SETX: variants seen among roughly 807,000 people sequenced by gnomAD.
The protein encoded by SETX is senataxin, also known as helicase senataxin.
Under a neutral mutation model 227.2 loss-of-function variants are expected in SETX, and 90 were observed. The observed-to-expected ratio is 0.40, with a 90% CI of 0.33 to 0.47. SETX has a LOEUF of 0.47. Among genes scored for constraint, SETX ranks in the 20% least tolerant of loss-of-function variants. The pLI is 0.91. For missense variants in SETX, 3,052 were observed against 3,181.5 expected, an observed-to-expected ratio of 0.96 and a Z score of 0.98; for synonymous variants, 1,210 against 1,113.2, an observed-to-expected ratio of 1.09 and a Z score of -1.73.
Position 132,331,121 on chromosome 9 carries a change from C to T in SETX, c.1029G>A (p.Glu343=), listed in dbSNP as rs769135853. 6.2e-7 allele frequency: 1 copy of T among 1,613,568 alleles called. No homozygotes were observed. The highest frequency in any genetic ancestry group is 1.7e-5 in the Admixed American group (1 of 60,020). ...AAGTCACCATATCATCCAAATAGGACTCCGGTTCTAACTTGGTCCTTAAAT... is the reference window on the plus strand; with the variant it reads ...AAGTCACCATATCATCCAAATAGGATTCCGGTTCTAACTTGGTCCTTAAAT... ...NSSVRTKLEP[E]SYLDDMVTCS... Residue 343 remains glutamate (E), a synonymous_variant, in exon 9 of 26, where the codon GAG becomes GAA. Transcript: ENST00000224140.
chr9:132,281,408 A>T, intron 20 of SETX, 59 bp downstream of exon 20: 1 of 1,323,994 alleles, frequency 7.6e-7, no homozygotes, highest in Non-Finnish European at 1.1e-6. Flanking sequence ...TCCCTCCTGA[A>T]AACAAAAATT....
At chr9:132,348,683 T>C (rs765438911) in intron 3 of SETX, among the ~76,000 whole-genome samples, 5 of 151,960 alleles carry the variant, frequency 3.3e-5, no homozygotes, top group Non-Finnish European at 7.4e-5. Flanking sequence ...ATTCCAACAC[T>C]GGGGGGCCAA....
At chr9:132,321,654 C>CAAAAA (rs57108934) in intron 10 of SETX, among the ~76,000 whole-genome samples, 1 of 51,426 alleles carries the variant, frequency 1.9e-5, no homozygotes, top group Non-Finnish European at 3.2e-5. Context: ...GATACTGTCT[C>CAAAAA]AAAAAAAAAA....
intron 4 of SETX, among the ~76,000 whole-genome samples, chr9:132,345,355 C>A (rs1369708576): frequency 6.6e-6 from 1 of 152,186 alleles, no homozygotes; most frequent in African/African-American, 2.4e-5. Context: ...TTCACTGCAA[C>A]CTCCGCCTTC....
chr9:132,319,442 T>A (rs474120), intron 10 of SETX, among the ~76,000 whole-genome samples: 103,795 of 152,112 alleles, frequency 0.68, 38,802 homozygotes, highest in Non-Finnish European at 0.84. Context: ...GAATGAAATA[T>A]CAACCTGCAG....
chr9:132,338,090 C>CTTTTTTT (rs71376637), intron 5 of SETX, among the ~76,000 whole-genome samples: 2 of 126,516 alleles, frequency 1.6e-5, no homozygotes, highest in African/African-American at 6.0e-5. Context: ...GAGGAACACT[C>CTTTTTTT]TTTTTTTTTT....
intron 10 of SETX, among the ~76,000 whole-genome samples, chr9:132,316,129 A>G (rs1047473379): frequency 8.5e-5 from 13 of 152,316 alleles, no homozygotes; most frequent in Admixed American, 3.9e-4. Flanking sequence ...ACAGGCGTGT[A>G]TATGTTCTTC....
intron 5 of SETX, among the ~76,000 whole-genome samples, chr9:132,340,377 C>A (rs1005659719): frequency 6.6e-6 from 1 of 152,218 alleles, no homozygotes; most frequent in Non-Finnish European, 1.5e-5. Flanking sequence ...TCTGCTTCTA[C>A]TGAAATCTTC....
chr9:132,295,718 T>C (rs977612822), intron 15 of SETX, among the ~76,000 whole-genome samples, 154 bp downstream of exon 15: 3 of 152,194 alleles, frequency 2.0e-5, no homozygotes, highest in African/African-American at 7.2e-5. Context: ...ACAGGGTAAA[T>C]GTTCAATGAA....
chr9:132,296,568 A>C (rs988272850), intron 14 of SETX, among the ~76,000 whole-genome samples: 1 of 152,036 alleles, frequency 6.6e-6, no homozygotes. Context: ...CTCAAAAAAA[A>C]AAAACAAAAA....
At chr9:132,269,471 A>G in intron 25 of SETX, 144 bp downstream of exon 25, 1 of 1,593,100 alleles carries the variant, frequency 6.3e-7, no homozygotes, top group Non-Finnish European at 8.6e-7. Context: ...TGTACACAAA[A>G]GCTCCTAGGA....
intron 25 of SETX, among the ~76,000 whole-genome samples, chr9:132,265,440 T>C (rs2131118408): frequency 6.6e-6 from 1 of 152,150 alleles, no homozygotes; most frequent in East Asian, 1.9e-4. Context: ...TTAGCCAAGA[T>C]GGTCTCGATC....
intron 10 of SETX, among the ~76,000 whole-genome samples, chr9:132,324,294 A>T (rs183816230): frequency 1.2e-4 from 18 of 152,352 alleles, no homozygotes; most frequent in African/African-American, 3.4e-4. Context: ...AAAATGGCTA[A>T]AATTTGAGGT....
At chr9:132,299,717 T>C (rs1844875124) in intron 12 of SETX, among the ~76,000 whole-genome samples, 1 of 152,218 alleles carries the variant, frequency 6.6e-6, no homozygotes, top group South Asian at 2.1e-4. Context: ...AATTCTGGAC[T>C]TACCAATTAA....
rs766735393 is a variant in SETX, at chr9:132,296,901, G to A, written c.5935C>T (p.Arg1979Cys). ...KSKTIVGLLY[R>C]LLTENQRKGH... ...CCCATACCTACCTCTGTCAGTAGAC[G>A]ATAGAGGAGGCCAACAATAGTTTTT... Residue 1979 changes from arginine to cysteine, a missense_variant, in exon 14 of 26, where the codon CGT becomes TGT. Transcript: ENST00000224140. The A allele has an allele frequency of 1.2e-6, 2 of 1,614,084 alleles. No homozygotes were observed. The highest frequency in any genetic ancestry group is 1.7e-6 in the Non-Finnish European group (2 of 1,180,012).
intron 12 of SETX, among the ~76,000 whole-genome samples, chr9:132,298,969 G>T (rs911448672): frequency 6.6e-6 from 1 of 152,112 alleles, no homozygotes; most frequent in African/African-American, 2.4e-5. Context: ...TCAGAACAAA[G>T]AATAACTACA....
At chr9:132,313,036 G>A (rs977029055) in intron 10 of SETX, among the ~76,000 whole-genome samples, 1 of 152,194 alleles carries the variant, frequency 6.6e-6, no homozygotes, top group Non-Finnish European at 1.5e-5. Flanking sequence ...AGAAGAGGCA[G>A]ATTTATAGAC....
At position 132,295,863 on chromosome 9, in the gene SETX, G is replaced by GT. The variant is rs747619579; in HGVS notation, c.6106+8dup. On this transcript the variant is annotated intron_variant, in intron 15 of 25. Coordinates refer to ENST00000224140, the MANE Select transcript of SETX (RefSeq NM_015046.7). ...AAAAACAAATTTAAAATCCACAAAA[G>GT]TATCATACCTAAAGGATTCTTCTTG... 2.7e-5 allele frequency: 43 copies of GT among 1,611,060 alleles called. No individual in the cohort carries two copies. The highest frequency in any genetic ancestry group is 3.1e-5 in the Non-Finnish European group (37 of 1,178,050).
intron 3 of SETX, 30 bp downstream of exon 3, chr9:132,349,222 G>A (rs1432460536): frequency 6.2e-7 from 1 of 1,607,326 alleles, no homozygotes; most frequent in Non-Finnish European, 8.5e-7. Context: ...ATCAAGCTCT[G>A]AAAAATATTG....
Sources: gnomAD v4.1 joint callset for allele counts (sites outside exome capture counted in the v4.1 genomes callset) on GRCh38, gnomAD v4.1.1 for gene constraint, MANE v1.5 for transcripts, NCBI Gene and HGNC (gene_info 2026-07-23, HGNC 2026-07-21) for gene names.